Variants in RNF41 observed in about 807,000 individuals in gnomAD.
RNF41 encodes ring finger protein 41, also known as E3 ubiquitin-protein ligase NRDP1.
A neutral mutation model predicts 33.0 loss-of-function variants in RNF41; 4 were observed. That is an observed-to-expected ratio of 0.12 (90% CI 0.06 to 0.28). The LOEUF is 0.28. RNF41 is among the 10% of genes least tolerant of loss of function. RNF41 has a pLI of 1.00. For missense variants in RNF41, 228 were observed against 432.6 expected (o/e 0.53, Z 4.19); for synonymous variants, 164 against 153.2 (o/e 1.07, Z -0.52).
chr12:56,211,352 A>T (rs918281034), intron 3 of RNF41, among the ~76,000 whole-genome samples: 5 of 149,936 alleles, frequency 3.3e-5, no homozygotes, highest in African/African-American at 4.9e-5. Flanking sequence ...TAAATAAATA[A>T]ATATATATAT....
rs774190140 is a variant in RNF41 at position 56,206,850 on chromosome 12, A to G, written c.603-52T>C. 2 of 1,370,956 alleles carry G rather than the reference A, an allele frequency of 1.5e-6. No homozygotes were observed. Among genetic ancestry groups the G allele is most frequent in the South Asian group, 2.7e-5 (2 of 74,482 alleles). The allele number at this position is 1,370,956 out of a possible 1,614,324, so 84.9% of individuals were successfully genotyped here. ...ATTCCAGCTCATCTCCTTTCTCTGT[A>G]TTGGCTTTTTCTGCTAATAGAAATA... On this transcript the variant is annotated intron_variant, in intron 6 of 6. Coordinates refer to ENST00000345093, the MANE Select transcript of RNF41 (RefSeq NM_005785.4). This position sits in a 1 kb window ranked among gnomAD's most constrained non-coding sequence, Gnocchi z 5.7.
At chr12:56,212,149 A>G (rs1196482986) in intron 3 of RNF41, among the ~76,000 whole-genome samples, 4 of 152,208 alleles carry the variant, frequency 2.6e-5, no homozygotes, top group African/African-American at 9.7e-5. Context: ...AAATACATAT[A>G]TATGCAGACA....
intron 1 of RNF41, among the ~76,000 whole-genome samples, chr12:56,217,094 C>T (rs1173068570): frequency 5.3e-5 from 8 of 150,084 alleles, no homozygotes; most frequent in African/African-American, 2.0e-4. Context: ...GAGCCGAGAC[C>T]GCGCCACCGC....
intron 1 of RNF41, among the ~76,000 whole-genome samples, chr12:56,220,966 C>T (rs1236901491): frequency 6.6e-6 from 1 of 152,134 alleles, no homozygotes; most frequent in Non-Finnish European, 1.5e-5. Flanking sequence ...GACTCTAAAA[C>T]CCCTGTATAG....
At chr12:56,218,489 C>T (rs1292488219) in intron 1 of RNF41, among the ~76,000 whole-genome samples, 2 of 151,380 alleles carry the variant, frequency 1.3e-5, no homozygotes, top group East Asian at 3.9e-4. Context: ...TCTTGAACTC[C>T]TGGGCAGGCT....
intron 1 of RNF41, among the ~76,000 whole-genome samples, chr12:56,219,349 G>A (rs1212389919): frequency 6.6e-6 from 1 of 151,438 alleles, no homozygotes; most frequent in African/African-American, 2.4e-5. Flanking sequence ...CCGCCAGGAC[G>A]CCCAGCTAAT....
intron 4 of RNF41, chr12:56,210,026 A>G: frequency 2.1e-6 from 1 of 469,298 alleles, no homozygotes; most frequent in East Asian, 3.5e-5. Flanking sequence ...TATTGGACTG[A>G]AAGGGAAGAA....
intron 3 of RNF41, among the ~76,000 whole-genome samples, chr12:56,211,889 G>A (rs748345228): frequency 7.9e-5 from 12 of 151,964 alleles, no homozygotes; most frequent in Admixed American, 1.3e-4. Context: ...GAAGAATGGC[G>A]TGAACCTGGG....
chr12:56,215,041 T>G (rs188619624), intron 2 of RNF41, among the ~76,000 whole-genome samples: 1 of 151,840 alleles, frequency 6.6e-6, no homozygotes, highest in African/African-American at 2.4e-5. Flanking sequence ...AGGGCAAGAG[T>G]CAGCTAAATG....
Position 56,206,093 on chromosome 12 carries a change from G to C in RNF41, c.*354C>G, listed in dbSNP as rs747103814. ...TGGTTTTGGAGGAGAGGGACGATTA[G>C]AGATTCCTTCCTCTGTCCTGATCCT... On this transcript the variant is annotated 3_prime_UTR_variant, in exon 7 of 7. Transcript: ENST00000345093. The surrounding 1 kb of genome is among the most constrained non-coding windows in gnomAD (Gnocchi z 5.7). 5 of 214,644 alleles carry C rather than the reference G, an allele frequency of 2.3e-5. No individual in the cohort carries two copies. The highest frequency in any genetic ancestry group is 3.8e-5 in the Non-Finnish European group (4 of 106,420). The allele number at this position is 214,644 out of a possible 1,614,324, so 13.3% of individuals were successfully genotyped here. A position where few individuals can be genotyped will look rare whatever the true frequency, so the allele number is the denominator to read the frequency against.
intron 1 of RNF41, among the ~76,000 whole-genome samples, chr12:56,218,143 G>A (rs916714516): frequency 6.6e-6 from 1 of 151,666 alleles, no homozygotes; most frequent in South Asian, 2.1e-4. Context: ...TAGTAGAGAC[G>A]GGGTTTCACC....
At chr12:56,208,977 G>A (rs1226281273) in intron 4 of RNF41, among the ~76,000 whole-genome samples, 1 of 149,896 alleles carries the variant, frequency 6.7e-6, no homozygotes, top group Non-Finnish European at 1.5e-5. Flanking sequence ...TAATTCTTGT[G>A]CCTCAGCCTC....
intron 3 of RNF41, chr12:56,213,240 AC>A: frequency 2.5e-6 from 2 of 786,246 alleles, no homozygotes; most frequent in Non-Finnish European, 3.5e-6. Context: ...TCACTCTGTC[AC>A]CCAGGCTGGA....
intron 1 of RNF41, among the ~76,000 whole-genome samples, chr12:56,220,459 C>T (rs868011217): frequency 6.6e-5 from 10 of 151,898 alleles, no homozygotes; most frequent in South Asian, 2.1e-4. Flanking sequence ...TCAGGCAATC[C>T]GCCCGCCTCG....
chr12:56,212,858 G>A, intron 3 of RNF41: 1 of 609,926 alleles, frequency 1.6e-6, no homozygotes, highest in Non-Finnish European at 2.6e-6. Flanking sequence ...GTCCTGGTTT[G>A]GAAAATGTGA....
At chr12:56,218,260 AATT>A (rs970091119) in intron 1 of RNF41, among the ~76,000 whole-genome samples, 46 of 151,344 alleles carry the variant, frequency 3.0e-4, no homozygotes, top group African/African-American at 1.0e-3. Flanking sequence ...GGCCCACATA[AATT>A]ATTATTATTT....
chr12:56,214,258 C>T (rs1352938021), intron 2 of RNF41, among the ~76,000 whole-genome samples, 188 bp from the exon 3 acceptor site: 2 of 152,260 alleles, frequency 1.3e-5, no homozygotes, highest in African/African-American at 4.8e-5. Flanking sequence ...CAGTGGATCA[C>T]GCCTGTAATC....
chr12:56,218,067 C>T (rs1019389075), intron 1 of RNF41, among the ~76,000 whole-genome samples: 1 of 152,098 alleles, frequency 6.6e-6, no homozygotes, highest in Non-Finnish European at 1.5e-5. Context: ...GATTCTCCTA[C>T]CTCAGCCTCC....
At chr12:56,212,145 A>G (rs1868529694) in intron 3 of RNF41, among the ~76,000 whole-genome samples, 1 of 152,210 alleles carries the variant, frequency 6.6e-6, no homozygotes, top group African/African-American at 2.4e-5. Flanking sequence ...ACACAAATAC[A>G]TATATATGCA....
Sources: allele counts gnomAD v4.1 joint callset (sites outside exome capture counted in the v4.1 genomes callset), GRCh38; gene constraint gnomAD v4.1.1; non-coding constraint Gnocchi (gnomAD v3.1); transcripts MANE v1.5; gene names NCBI Gene and HGNC (gene_info 2026-07-23, HGNC 2026-07-21).